Variants in ABLIM2 observed in about 807,000 individuals in gnomAD.
ABLIM2 encodes the protein actin-binding LIM protein 2.
In ABLIM2, 53 loss-of-function variants were observed where a neutral mutation model predicts 97.7. That is an observed-to-expected ratio of 0.54 (90% confidence interval 0.44 to 0.68). ABLIM2 has a LOEUF of 0.68. Ranked by LOEUF, ABLIM2 falls within the 30% of genes least tolerant of loss-of-function variation. The pLI, the probability that ABLIM2 is intolerant of heterozygous loss-of-function variation, is 0.00. For missense variants in ABLIM2, 835 were observed against 867.2 expected (o/e 0.96, Z 0.47); for synonymous variants, 361 against 345.8 (o/e 1.04, Z -0.49).
intron 9 of ABLIM2, among the ~76,000 whole-genome samples, chr4:8,037,373 CA>C (rs1785230092): frequency 6.6e-6 from 1 of 151,874 alleles, no homozygotes; most frequent in African/African-American, 2.4e-5. Context: ...ACATGCACTA[CA>C]CACATGTGCA....
Position 8,087,963 on chromosome 4 carries a change from C to A in ABLIM2, c.454+206G>T, listed in dbSNP as rs557520808. 8.4e-4 allele frequency among the ~76,000 whole-genome samples: 126 copies of A among 150,640 alleles called. 2 individuals carry two copies. The highest frequency in any genetic ancestry group is 7.2e-3 in the South Asian group (34 of 4,700). ...CTCTGTCCCTGGGCACTGCAGAGAC[C>A]AAGCCCCCAACTCAGCACCCCCCCC... On this transcript the variant is annotated intron_variant, in intron 4 of 20. Transcript: ENST00000447017. This position sits in a 1 kb window ranked among gnomAD's most constrained non-coding sequence, Gnocchi z 4.6.
chr4:8,007,015 G>A (rs931738921), intron 16 of ABLIM2: 9 of 985,276 alleles, frequency 9.1e-6, no homozygotes, highest in Non-Finnish European at 1.1e-5. Flanking sequence ...TCATACACAA[G>A]CAACACACCT....
In ABLIM2 at chr4:8,125,918, G is replaced by A. The variant is rs1057447871; in HGVS notation, c.11-19281C>T. 3.3e-5 allele frequency among the ~76,000 whole-genome samples: 5 copies of A among 152,200 alleles called. No homozygotes were observed. The highest frequency in any genetic ancestry group is 3.3e-4 in the Admixed American group (5 of 15,284). ...AGCCTTGGGGGACCCGCCGCTTTTG[G>A]GAACACACCTGCATGTCTCCTTTTT... On this transcript the variant is annotated intron_variant, in intron 1 of 20. Coordinates refer to ENST00000447017, the MANE Select transcript of ABLIM2 (RefSeq NM_001130083.2). This position sits in a 1 kb window ranked among gnomAD's most constrained non-coding sequence, Gnocchi z 6.2.
rs1755845528 is a variant in ABLIM2 at position 7,999,828 on chromosome 4, A to C, written c.1619-6901T>G. ...GGCTCCTGGCCGCCTCCCCTCCATG[A>C]AGCCTGCCATAGCCACCTTGCCCTC... On this transcript the variant is annotated intron_variant, in intron 16 of 20. Transcript: ENST00000447017. This position sits in a 1 kb window ranked among gnomAD's most constrained non-coding sequence, Gnocchi z 4.4. Among the ~76,000 whole-genome samples, 2 of 152,128 alleles carry C rather than the reference A, an allele frequency of 1.3e-5. No homozygotes were observed. Among genetic ancestry groups the C allele is most frequent in the Admixed American group, 1.3e-4 (2 of 15,274 alleles).
At chr4:8,028,865 G>A (rs1189840892) in intron 11 of ABLIM2, among the ~76,000 whole-genome samples, 2 of 152,202 alleles carry the variant, frequency 1.3e-5, no homozygotes, top group Admixed American at 6.5e-5. Flanking sequence ...GCAAATGAAT[G>A]AGTTTTGATT....
At position 7,986,601 on chromosome 4, in the gene ABLIM2, G is replaced by C. The variant is rs1275735473; in HGVS notation, c.1681-1708C>G. 6.6e-6 allele frequency among the ~76,000 whole-genome samples: 1 copy of C among 152,090 alleles called. No homozygotes were observed. Among genetic ancestry groups the C allele is most frequent in the Non-Finnish European group, 1.5e-5 (1 of 68,018 alleles). ...CTCCCTCACTCTAGTTCTGGGCCTG[G>C]ACCCTGAGCCAGGGTCCTCTTGCCT... On this transcript the variant is annotated intron_variant, in intron 17 of 20. Transcript: ENST00000447017. The surrounding 1 kb of genome is among the most constrained non-coding windows in gnomAD (Gnocchi z 4.3).
Position 8,082,858 on chromosome 4 carries a change from A to G in ABLIM2, c.455-2056T>C, listed in dbSNP as rs2152462548. Reference sequence around the variant, plus strand: ...CGCGCTCCTTCCTGTGTCTCTGCAGAGTCAGACGACGCACAGCCCTGACTT... The same window carrying G: ...CGCGCTCCTTCCTGTGTCTCTGCAGGGTCAGACGACGCACAGCCCTGACTT... On this transcript the variant is annotated intron_variant, in intron 4 of 20. Transcript: ENST00000447017. This position sits in a 1 kb window ranked among gnomAD's most constrained non-coding sequence, Gnocchi z 5.6. Among the ~76,000 whole-genome samples the G allele has an allele frequency of 6.6e-6, 1 of 152,314 alleles. No homozygotes were observed. The highest frequency in any genetic ancestry group is 2.4e-5 in the African/African-American group (1 of 41,552).
intron 16 of ABLIM2, chr4:7,993,812 G>T (rs1024063238): frequency 1.1e-5 from 5 of 440,188 alleles, no homozygotes. Context: ...GTGGGGCAAG[G>T]CTCGCTGGGG....
intron 1 of ABLIM2, 108 bp downstream of exon 1, chr4:8,158,572 G>C: frequency 7.4e-7 from 1 of 1,349,980 alleles, no homozygotes. Flanking sequence ...TGGAGCCGCT[G>C]GGTGATTTTC....
intron 17 of ABLIM2, chr4:7,989,369 T>G (rs575509282): frequency 1.0e-6 from 1 of 982,144 alleles, no homozygotes; most frequent in Admixed American, 6.2e-5. Flanking sequence ...CTGAACCACT[T>G]TGCCTGGCCC....
intron 1 of ABLIM2, among the ~76,000 whole-genome samples, chr4:8,121,742 A>C (rs2152875757): frequency 6.6e-6 from 1 of 152,294 alleles, no homozygotes; most frequent in East Asian, 1.9e-4. Context: ...AATATTTCTC[A>C]AATCTAATAG....
rs887904895 is a variant in ABLIM2, at chr4:7,992,854, G to T, written c.1680+12C>A. ...GTTAGTACCCTGTGGCCAGGGAGGG[G>T]TCAGTACCTACCCGCTGGTCCAAGC... On this transcript the variant is annotated intron_variant, in intron 17 of 20. Transcript: ENST00000447017. The surrounding 1 kb of genome is among the most constrained non-coding windows in gnomAD (Gnocchi z 5.7). The T allele has an allele frequency of 1.9e-6, 3 of 1,611,452 alleles. No individual in the cohort carries two copies. Among genetic ancestry groups the T allele is most frequent in the Admixed American group, 1.7e-5 (1 of 59,748 alleles).
rs987452056 is a variant in ABLIM2 at position 7,992,129 on chromosome 4, T to G, written c.1680+737A>C. On this transcript the variant is annotated intron_variant, in intron 17 of 20. Transcript: ENST00000447017. This position sits in a 1 kb window ranked among gnomAD's most constrained non-coding sequence, Gnocchi z 5.7. Reference sequence around the variant, plus strand: ...TGGGACCAGCAAGCCTGCCCCACCCTAAGGATCCTCACTGGGGACCCCTGT... The same window carrying G: ...TGGGACCAGCAAGCCTGCCCCACCCGAAGGATCCTCACTGGGGACCCCTGT... Among the ~76,000 whole-genome samples the G allele has an allele frequency of 2.0e-5, 3 of 151,978 alleles. No homozygotes were observed. Among genetic ancestry groups the G allele is most frequent in the Non-Finnish European group, 4.4e-5 (3 of 67,966 alleles).
Position 8,076,852 on chromosome 4 carries a change from G to A in ABLIM2, c.675+776C>T, listed in dbSNP as rs537338672. Among the ~76,000 whole-genome samples the A allele has an allele frequency of 6.4e-4, 8 of 12,502 alleles. 1 individual carries two copies. The highest frequency in any genetic ancestry group is 1.9e-3 in the African/African-American group (8 of 4,318). 8.2% of individuals were successfully genotyped at this position (12,502 alleles called of 152,430 possible). On this transcript the variant is annotated intron_variant, in intron 6 of 20. Transcript: ENST00000447017. ...ACCCAGAGAGGGTGGGCTACAGGGT[G>A]GGGGGGTCTGTGAACCCAGAGAGGG...
intron 5 of ABLIM2, among the ~76,000 whole-genome samples, chr4:8,078,108 G>A (rs947019534): frequency 6.6e-6 from 1 of 152,178 alleles, no homozygotes; most frequent in African/African-American, 2.4e-5. Flanking sequence ...AAAGAGGGGG[G>A]ACAGTAAGGG....
chr4:8,008,247 T>G (rs188512238), intron 15 of ABLIM2, 47 bp from the exon 16 acceptor site: 1 of 1,569,674 alleles, frequency 6.4e-7, no homozygotes, highest in East Asian at 2.3e-5. Context: ...TCATCTGCAA[T>G]GGTGGGAACA....
intron 14 of ABLIM2, among the ~76,000 whole-genome samples, chr4:8,011,441 C>T (rs1300339862): frequency 5.9e-5 from 9 of 152,326 alleles, no homozygotes; most frequent in Non-Finnish European, 5.9e-5. Flanking sequence ...ACTGGCACTT[C>T]GGATTATTGG....
intron 3 of ABLIM2, among the ~76,000 whole-genome samples, 174 bp downstream of exon 3, chr4:8,096,925 C>T (rs1221620144): frequency 6.6e-5 from 10 of 152,212 alleles, no homozygotes; most frequent in African/African-American, 2.2e-4. Flanking sequence ...TGTGAGGAGG[C>T]CTCTGTATGC....
intron 8 of ABLIM2, among the ~76,000 whole-genome samples, chr4:8,048,592 G>A (rs1305022485): frequency 1.3e-5 from 2 of 152,192 alleles, no homozygotes; most frequent in East Asian, 1.9e-4. Flanking sequence ...CTTGGCCACC[G>A]TGGAGAATTG....
Sources: gnomAD v4.1 joint callset for allele counts (sites outside exome capture counted in the v4.1 genomes callset) on GRCh38, gnomAD v4.1.1 for gene constraint, Gnocchi (gnomAD v3.1) non-coding constraint, MANE v1.5 for transcripts, NCBI Gene and HGNC (gene_info 2026-07-23, HGNC 2026-07-21) for gene names.